AGBL1: variants seen among roughly 807,000 people sequenced by gnomAD.
AGBL1 encodes the protein AGBL carboxypeptidase 1.
In AGBL1, 130 loss-of-function variants were observed where a neutral mutation model predicts 118.9. That is an observed-to-expected ratio of 1.09 (90% CI 0.95 to 1.26). The LOEUF is 1.26. Ranked by LOEUF, AGBL1 falls within the 50% of genes most tolerant of loss-of-function variation. The probability of loss-of-function intolerance (pLI) is 0.00; values close to 1 mark genes in which losing one functional copy is unlikely to be tolerated. For synonymous variants in AGBL1, 555 were observed against 478.9 expected (o/e 1.16, Z -2.08); for missense variants, 1,584 against 1,298.1 (o/e 1.22, Z -3.38).
chr15:86,633,334 G>A (rs2085009165), intron 21 of AGBL1, among the ~76,000 whole-genome samples: 1 of 152,008 alleles, frequency 6.6e-6, no homozygotes, highest in Non-Finnish European at 1.5e-5. Flanking sequence ...GTGTTTGGTT[G>A]CACCATGAAT....
chr15:86,218,932 A>T (rs1203816321), intron 5 of AGBL1, among the ~76,000 whole-genome samples: 1 of 152,222 alleles, frequency 6.6e-6, no homozygotes, highest in Non-Finnish European at 1.5e-5. Context: ...CAGAGGATCC[A>T]CCTAAGTGGA....
intron 22 of AGBL1, among the ~76,000 whole-genome samples, chr15:86,884,441 G>A (rs1344542833): frequency 6.6e-6 from 1 of 152,212 alleles, no homozygotes; most frequent in East Asian, 1.9e-4. Flanking sequence ...GACCGAGGTT[G>A]ACCTCATGTA....
intron 21 of AGBL1, among the ~76,000 whole-genome samples, chr15:86,600,788 G>C (rs1012659081): frequency 1.2e-4 from 18 of 152,092 alleles, no homozygotes; most frequent in Admixed American, 3.9e-4. Context: ...CAAAATCAGA[G>C]AATATAAAAG....
intron 18 of AGBL1, among the ~76,000 whole-genome samples, chr15:86,481,790 G>A (rs376517307): frequency 6.6e-5 from 10 of 152,130 alleles, no homozygotes; most frequent in South Asian, 2.1e-4. Flanking sequence ...GAACTTTGGC[G>A]GTCACCTGGT....
At chr15:86,963,721 T>C (rs182394364) in intron 23 of AGBL1, among the ~76,000 whole-genome samples, 1 of 151,992 alleles carries the variant, frequency 6.6e-6, no homozygotes, top group Admixed American at 6.6e-5. Flanking sequence ...TTCCAAAGTC[T>C]CTGTGTTAGT....
intron 22 of AGBL1, among the ~76,000 whole-genome samples, chr15:86,825,908 GATAGATA>G (rs2079006148): frequency 1.0e-5 from 1 of 96,102 alleles, no homozygotes; most frequent in Non-Finnish European, 2.1e-5. Flanking sequence ...TAGATAGATA[GATAGATA>G]GATAGATAGA....
intron 17 of AGBL1, among the ~76,000 whole-genome samples, chr15:86,390,815 G>A (rs965317310): frequency 2.0e-5 from 3 of 151,564 alleles, no homozygotes; most frequent in Admixed American, 1.3e-4. Flanking sequence ...GATTACAGGC[G>A]CCTACCACCA....
chr15:86,790,539 A>G (rs1369317038), intron 22 of AGBL1, among the ~76,000 whole-genome samples: 1 of 151,966 alleles, frequency 6.6e-6, no homozygotes, highest in Non-Finnish European at 1.5e-5. Flanking sequence ...TGCTATTTGA[A>G]CCTCTTTTCT....
At position 86,149,196 on chromosome 15, in the gene AGBL1, A is replaced by G. The variant is rs558099982; in HGVS notation, c.263-5234A>G. 3.2e-4 allele frequency among the ~76,000 whole-genome samples: 48 copies of G among 152,354 alleles called. 1 individual carries two copies. The South Asian group carries it at 8.3e-3, about 26-fold the overall frequency. ...ACATGCCAAATTGTAAAGACCGTTG[A>G]TGCTAGGAAGAAACTGCATCAATTA... is the stretch of plus-strand genomic sequence containing the variant. On this transcript the variant is annotated intron_variant, in intron 3 of 22. Transcript: ENST00000614907.
intron 18 of AGBL1, among the ~76,000 whole-genome samples, chr15:86,499,276 C>T (rs561471326): frequency 7.2e-5 from 11 of 151,970 alleles, no homozygotes; most frequent in Admixed American, 2.6e-4. Flanking sequence ...TAGAAAAACA[C>T]GCTATTGTTA....
At chr15:86,140,053 GC>G in intron 1 of AGBL1, 2 of 188,158 alleles carry the variant, frequency 1.1e-5, no homozygotes, top group Non-Finnish European at 2.3e-5. Flanking sequence ...GGGTGACAGC[GC>G]CCCTGGTGGT....
chr15:86,338,666 C>T (rs995463588), intron 17 of AGBL1, among the ~76,000 whole-genome samples: 1 of 151,964 alleles, frequency 6.6e-6, no homozygotes, highest in African/African-American at 2.4e-5. Flanking sequence ...TTGGATTGGA[C>T]AAAGGACGTG....
At chr15:86,967,790 G>C (rs1255943859) in intron 23 of AGBL1, among the ~76,000 whole-genome samples, 3 of 152,074 alleles carry the variant, frequency 2.0e-5, no homozygotes, top group African/African-American at 7.2e-5. Context: ...TTTGGCTTAG[G>C]ATTGACTTGA....
At chr15:86,571,628 C>T (rs1406007998) in intron 21 of AGBL1, among the ~76,000 whole-genome samples, 5 of 152,172 alleles carry the variant, frequency 3.3e-5, no homozygotes, top group African/African-American at 1.2e-4. Flanking sequence ...TTCTTCTCTG[C>T]AGCTGGTCAT....
At position 86,615,554 on chromosome 15, in the gene AGBL1, A is replaced by G. The variant is rs1306976522; in HGVS notation, c.2995-58719A>G. Among the ~76,000 whole-genome samples the G allele has an allele frequency of 1.3e-5, 2 of 152,236 alleles. No individual in the cohort carries two copies. Among genetic ancestry groups the G allele is most frequent in the African/African-American group, 2.4e-5 (1 of 41,464 alleles). Reference sequence around the variant, plus strand: ...GCTGAACCTGAGAAGGCCACACGCCATCCCGGTGGAGATGGCACAGTGGAG... The same window carrying G: ...GCTGAACCTGAGAAGGCCACACGCCGTCCCGGTGGAGATGGCACAGTGGAG... On this transcript the variant is annotated intron_variant, in intron 21 of 22. Coordinates refer to ENST00000614907, the MANE Select transcript of AGBL1 (RefSeq NM_001386094.1). The surrounding 1 kb of genome is among the most constrained non-coding windows in gnomAD (Gnocchi z 4.3).
intron 17 of AGBL1, among the ~76,000 whole-genome samples, chr15:86,334,824 T>C (rs887713404): frequency 4.0e-5 from 6 of 151,786 alleles, no homozygotes; most frequent in African/African-American, 1.2e-4. Context: ...CATAGACCAA[T>C]GGAACACAAC....
chr15:86,110,751 G>A (rs967945424), intron 1 of AGBL1, among the ~76,000 whole-genome samples: 10 of 152,160 alleles, frequency 6.6e-5, no homozygotes, highest in Admixed American at 3.3e-4. Context: ...GATGTGTAAT[G>A]TTCCTGATAC....
intron 24 of AGBL1, among the ~76,000 whole-genome samples, chr15:87,016,698 G>A (rs78698943): frequency 0.01 from 1,551 of 152,230 alleles, 55 homozygotes; most frequent in East Asian, 0.027. Context: ...ATGAAGAAAA[G>A]CAGGATGGGG....
At chr15:86,564,135 A>G (rs2083875230) in intron 21 of AGBL1, among the ~76,000 whole-genome samples, 1 of 152,110 alleles carries the variant, frequency 6.6e-6, no homozygotes, top group Non-Finnish European at 1.5e-5. Flanking sequence ...TTTATATTTA[A>G]GGTTAATATT....
Sources: allele counts gnomAD v4.1 joint callset (sites outside exome capture counted in the v4.1 genomes callset), GRCh38; gene constraint gnomAD v4.1.1; non-coding constraint Gnocchi (gnomAD v3.1); transcripts MANE v1.5; gene names NCBI Gene and HGNC (gene_info 2026-07-23, HGNC 2026-07-21).